ATP2B2: variants seen among roughly 807,000 people sequenced by gnomAD.
ATP2B2 encodes plasma membrane calcium-transporting ATPase 2.
Under a neutral mutation model 120.0 loss-of-function variants are expected in ATP2B2, and 15 were observed. That is an observed-to-expected ratio of 0.12 (90% CI 0.08 to 0.19). The LOEUF (loss-of-function observed/expected upper bound fraction) is 0.19, where lower values mean the gene tolerates loss of function less well. Ranked by LOEUF, ATP2B2 falls within the 10% of genes least tolerant of loss-of-function variation. ATP2B2 has a pLI of 1.00. For missense variants in ATP2B2, 1,045 were observed against 1,719.8 expected, an observed-to-expected ratio of 0.61 and a Z score of 6.94; for synonymous variants, 694 against 700.3, an observed-to-expected ratio of 0.99 and a Z score of 0.14.
chr3:10,384,776 C>A (rs1056182252), intron 8 of ATP2B2, among the ~76,000 whole-genome samples: 3 of 152,228 alleles, frequency 2.0e-5, no homozygotes, highest in African/African-American at 7.2e-5. Context: ...CTCAGCCATG[C>A]TACAGGACAG....
chr3:10,325,231 G>A lies in ATP2B2; in HGVS notation c.*3583C>T, dbSNP rs2059839310. The A allele has an allele frequency of 6.6e-6, 1 of 152,178 alleles. No homozygotes were observed. The highest frequency in any genetic ancestry group is 1.5e-5 in the Non-Finnish European group (1 of 68,052). 9.4% of individuals were successfully genotyped at this position (152,178 alleles called of 1,614,324 possible). A position where few individuals can be genotyped will look rare whatever the true frequency, so the allele number is the denominator to read the frequency against. ...GGGGGTGGGAATGGGACAGGGGGTG[G>A]AGGACTGGGCACAATTTAAAGTTTA... On this transcript the variant is annotated 3_prime_UTR_variant, in exon 23 of 23. Transcript: ENST00000360273.
chr3:10,380,873 CA>C (rs2061513326), intron 8 of ATP2B2, among the ~76,000 whole-genome samples: 1 of 152,248 alleles, frequency 6.6e-6, no homozygotes, highest in Non-Finnish European at 1.5e-5. Context: ...TTGCACGGTT[CA>C]GCCTTTTGCA....
intron 4 of ATP2B2, among the ~76,000 whole-genome samples, chr3:10,401,793 G>A (rs2062229493): frequency 6.6e-6 from 1 of 152,242 alleles, no homozygotes; most frequent in African/African-American, 2.4e-5. Flanking sequence ...GGCTTCTGCG[G>A]CTGTATCCAG....
chr3:10,612,007 C>T (rs1274604890), intron 2 of ATP2B2, among the ~76,000 whole-genome samples: 3 of 152,312 alleles, frequency 2.0e-5, no homozygotes, highest in Admixed American at 6.5e-5. Flanking sequence ...CAGCCAGCAT[C>T]GCATTTTACA....
rs1294925247 is a variant in ATP2B2, at chr3:10,343,819, T to C, written c.2704-854A>G. Among the ~76,000 whole-genome samples, 1 of 152,152 alleles carries C rather than the reference T, an allele frequency of 6.6e-6. No homozygotes were observed. Among genetic ancestry groups the C allele is most frequent in the African/African-American group, 2.4e-5 (1 of 41,432 alleles). On this transcript the variant is annotated intron_variant, in intron 18 of 22. Coordinates refer to ENST00000360273, the MANE Select transcript of ATP2B2 (RefSeq NM_001001331.4). This position sits in a 1 kb window ranked among gnomAD's most constrained non-coding sequence, Gnocchi z 4.2. ...ACTTGTAATCCTGACCCCACTCTCC[T>C]GGTCGTCGTCCTCCCTTCCTTTTAA...
Position 10,375,548 on chromosome 3 carries a change from G to T in ATP2B2, c.1298C>A (p.Thr433Lys). Reference protein sequence around the residue: ...VNKKPWLPECTPVYVQYFVKF... With the variant: ...VNKKPWLPECKPVYVQYFVKF... ...GACAAAGTACTGCACGTAGACGGGCGTGCACTCAGGCAGCCACGGCTTCTT... is the reference window on the plus strand; with the variant it reads ...GACAAAGTACTGCACGTAGACGGGCTTGCACTCAGGCAGCCACGGCTTCTT... Residue 433 changes from threonine to lysine, a missense_variant, in exon 11 of 23, where the codon ACG becomes AAG. Physicochemically the swap from Thr to Lys is moderately conservative, Grantham distance 78 (BLOSUM62 -1). Transcript: ENST00000360273. This position sits in a 1 kb window ranked among gnomAD's most constrained non-coding sequence, Gnocchi z 4.2. The T allele has an allele frequency of 6.2e-7, 1 of 1,613,712 alleles. No individual in the cohort carries two copies. Among genetic ancestry groups the T allele is most frequent in the East Asian group, 2.2e-5 (1 of 44,886 alleles).
At chr3:10,592,926 G>T (rs1366964406) in intron 2 of ATP2B2, among the ~76,000 whole-genome samples, 1 of 152,132 alleles carries the variant, frequency 6.6e-6, no homozygotes, top group African/African-American at 2.4e-5. Context: ...GGGACTACAG[G>T]TATGCACCAC....
intron 1 of ATP2B2, among the ~76,000 whole-genome samples, chr3:10,465,245 C>A (rs1270865447): frequency 2.0e-5 from 3 of 152,236 alleles, no homozygotes; most frequent in African/African-American, 4.8e-5. Flanking sequence ...TCCAGGAGAC[C>A]CCAAACCTCA....
Position 10,693,460 on chromosome 3 carries a change from T to G in ATP2B2, c.-460+14455A>C, listed in dbSNP as rs1487359007. On this transcript the variant is annotated intron_variant, in intron 1 of 21. Transcript: ENST00000646379. The stretch of plus-strand genomic sequence containing the variant: ...GACAAAACCCCCTGCCCTCACAGGC[T>G]TCCATTCCAGTTAGGTGGACAGGAT... Among the ~76,000 whole-genome samples the G allele has an allele frequency of 4.6e-5, 7 of 152,240 alleles. 1 individual carries two copies. The highest frequency in any genetic ancestry group is 1.4e-4 in the African/African-American group (6 of 41,466).
chr3:10,490,921 A>G (rs1386455278), intron 1 of ATP2B2, among the ~76,000 whole-genome samples: 1 of 152,220 alleles, frequency 6.6e-6, no homozygotes, highest in Non-Finnish European at 1.5e-5. Flanking sequence ...GGGTGAAGGA[A>G]GCAGCTTTTC....
chr3:10,480,891 A>G (rs893939883), intron 1 of ATP2B2, among the ~76,000 whole-genome samples: 2 of 152,248 alleles, frequency 1.3e-5, no homozygotes, highest in African/African-American at 4.8e-5. Context: ...ATGCAGAGCT[A>G]AAGTCCTCAG....
chr3:10,563,524 G>C (rs969120236), intron 2 of ATP2B2, among the ~76,000 whole-genome samples: 3 of 152,246 alleles, frequency 2.0e-5, no homozygotes, highest in Admixed American at 6.5e-5. Context: ...TAAGGTCTGA[G>C]AATCAGGGCT....
At chr3:10,526,418 C>T (rs1404042088) in intron 3 of ATP2B2, among the ~76,000 whole-genome samples, 1 of 152,190 alleles carries the variant, frequency 6.6e-6, no homozygotes, top group Non-Finnish European at 1.5e-5. Context: ...AGGAGCTCTG[C>T]AGTTCCCTGA....
intron 2 of ATP2B2, among the ~76,000 whole-genome samples, chr3:10,601,097 G>A (rs1159205801): frequency 2.0e-5 from 3 of 152,170 alleles, no homozygotes; most frequent in Admixed American, 6.5e-5. Flanking sequence ...CCGGCCTTGC[G>A]GGCTTGCCCT....
intron 2 of ATP2B2, among the ~76,000 whole-genome samples, chr3:10,596,600 G>A (rs2068769621): frequency 6.6e-6 from 1 of 152,224 alleles, no homozygotes; most frequent in African/African-American, 2.4e-5. Context: ...CACTTTAGTA[G>A]CAATCAAAAA....
intron 3 of ATP2B2, among the ~76,000 whole-genome samples, chr3:10,403,925 T>C (rs2062318733): frequency 6.6e-6 from 1 of 152,222 alleles, no homozygotes. Flanking sequence ...CAAAGATTCA[T>C]GGCTGAGCAT....
intron 1 of ATP2B2, among the ~76,000 whole-genome samples, chr3:10,697,827 TTCAC>T (rs1485183096): frequency 1.3e-5 from 2 of 152,228 alleles, no homozygotes; most frequent in Non-Finnish European, 2.9e-5. Context: ...ATCTACTGAT[TTCAC>T]TCACTCATTC....
chr3:10,557,790 G>A (rs376497472), intron 2 of ATP2B2, among the ~76,000 whole-genome samples: 12 of 152,234 alleles, frequency 7.9e-5, no homozygotes, highest in Admixed American at 3.9e-4. Context: ...ACTCCAGTCC[G>A]TGTGAGCCTG....
In ATP2B2 at chr3:10,559,896, G is replaced by A. The variant is rs2067865167; in HGVS notation, c.-414-25763C>T. On this transcript the variant is annotated intron_variant, in intron 2 of 21. Coordinates refer to the ATP2B2 transcript ENST00000646379. ...GATGCAGAAGGCAGTTCAAATGCTAGGGCTAGCTGAACACTCTTTCAAGTT... is the reference window on the plus strand; with the variant it reads ...GATGCAGAAGGCAGTTCAAATGCTAAGGCTAGCTGAACACTCTTTCAAGTT... Among the ~76,000 whole-genome samples, 4 of 152,146 alleles carry A rather than the reference G, an allele frequency of 2.6e-5. 1 individual carries two copies. Among genetic ancestry groups the A allele is most frequent in the Admixed American group, 2.6e-4 (4 of 15,278 alleles).
Sources: allele counts gnomAD v4.1 joint callset (sites outside exome capture counted in the v4.1 genomes callset), GRCh38; gene constraint gnomAD v4.1.1; non-coding constraint Gnocchi (gnomAD v3.1); transcripts MANE v1.5; gene names NCBI Gene and HGNC (gene_info 2026-07-23, HGNC 2026-07-21).